The following CADM1 variants were observed in gnomAD, a reference collection of about 807,000 sequenced individuals.
The protein encoded by CADM1 is TSLC-1.
A neutral mutation model predicts 53.1 loss-of-function variants in CADM1; 15 were observed. The ratio of observed to expected loss-of-function variants is 0.28; its 90% CI spans 0.19 to 0.44. The LOEUF (loss-of-function observed/expected upper bound fraction) is 0.44. Ranked by LOEUF, CADM1 falls within the 20% of genes least tolerant of loss-of-function variation. CADM1 has a pLI of 1.00. For missense variants in CADM1, 434 were observed against 611.3 expected (o/e 0.71, Z 3.06); for synonymous variants, 281 against 243.0 (o/e 1.16, Z -1.45).
chr11:115,497,397 T>G (rs1195236296), intron 1 of CADM1, among the ~76,000 whole-genome samples: 1 of 152,214 alleles, frequency 6.6e-6, no homozygotes, highest in Non-Finnish European at 1.5e-5. Context: ...TTTTTCTCAG[T>G]GCTGGGTTTT....
At chr11:115,279,610 A>T (rs749481737) in intron 1 of CADM1, among the ~76,000 whole-genome samples, 25 of 152,218 alleles carry the variant, frequency 1.6e-4, no homozygotes, top group Non-Finnish European at 2.6e-4. Context: ...AAAGAAAAAC[A>T]TTTAAGGGCT....
rs1181050479 is a variant in CADM1, at chr11:115,269,244, GTCA to G, written c.125-28827_125-28825del. Reference sequence around the variant, plus strand: ...CATGGCAGGATAGAGGCCCCAAGGGGTCATCAGAGTTCCCCAACTCTCTAAATT... The same window carrying G: ...CATGGCAGGATAGAGGCCCCAAGGGGTCAGAGTTCCCCAACTCTCTAAATT... On this transcript the variant is annotated intron_variant, in intron 1 of 11. Transcript: ENST00000331581. Among the ~76,000 whole-genome samples, 5 of 152,192 alleles carry G rather than the reference GTCA, an allele frequency of 3.3e-5. No individual in the cohort carries two copies. In the East Asian group the frequency reaches 7.8e-4, roughly 24 times the overall value.
intron 1 of CADM1, among the ~76,000 whole-genome samples, chr11:115,310,565 A>G (rs1944505873): frequency 6.6e-6 from 1 of 152,200 alleles, no homozygotes; most frequent in Admixed American, 6.5e-5. Context: ...TGTAAAATTA[A>G]GACAGATTTG....
At chr11:115,324,723 G>A (rs191674205) in intron 1 of CADM1, among the ~76,000 whole-genome samples, 88 of 152,294 alleles carry the variant, frequency 5.8e-4, no homozygotes, top group African/African-American at 2.0e-3. Flanking sequence ...AAGAAACCAG[G>A]TGTCACTCAG....
chr11:115,201,946 C>T (rs1208165356), intron 8 of CADM1, among the ~76,000 whole-genome samples: 1 of 152,188 alleles, frequency 6.6e-6, no homozygotes, highest in African/African-American at 2.4e-5. Context: ...CAGTCACTCT[C>T]TGGCTATTTT....
At chr11:115,353,979 TTTTG>T (rs1161086401) in intron 1 of CADM1, among the ~76,000 whole-genome samples, 2 of 152,140 alleles carry the variant, frequency 1.3e-5, no homozygotes, top group African/African-American at 2.4e-5. Flanking sequence ...GATGGGCTGT[TTTTG>T]TTTGTTTAAA....
intron 1 of CADM1, among the ~76,000 whole-genome samples, chr11:115,423,041 T>TA (rs398017667): frequency 6.6e-6 from 1 of 151,856 alleles, no homozygotes; most frequent in African/African-American, 2.4e-5. Context: ...TTTTTTTTTT[T>TA]AATGTTTGTG....
intron 1 of CADM1, among the ~76,000 whole-genome samples, chr11:115,411,875 G>A (rs1947468422): frequency 6.6e-6 from 1 of 152,090 alleles, no homozygotes; most frequent in Non-Finnish European, 1.5e-5. Context: ...CACAGGAAAG[G>A]CTTTGAACTC....
At chr11:115,391,419 T>C (rs1374859037) in intron 1 of CADM1, among the ~76,000 whole-genome samples, 5 of 152,204 alleles carry the variant, frequency 3.3e-5, no homozygotes, top group East Asian at 1.9e-4. Context: ...TGAATGGCCG[T>C]GGAGCACAGC....
chr11:115,193,912 G>A (rs1242481844), intron 9 of CADM1: 3 of 152,058 alleles, frequency 2.0e-5, no homozygotes, highest in South Asian at 2.1e-4. Flanking sequence ...GAGTTCAGAC[G>A]CCCCCGGGAG....
intron 1 of CADM1, among the ~76,000 whole-genome samples, chr11:115,325,628 G>A (rs925633668): frequency 5.3e-5 from 8 of 152,228 alleles, no homozygotes; most frequent in African/African-American, 1.9e-4. Context: ...CATTTTTGAA[G>A]CTTTGTTTTA....
intron 1 of CADM1, among the ~76,000 whole-genome samples, chr11:115,311,633 C>G (rs1009507302): frequency 6.6e-6 from 1 of 152,148 alleles, no homozygotes; most frequent in Non-Finnish European, 1.5e-5. Flanking sequence ...GGCCTCCCAA[C>G]AGTCCCAAAA....
In CADM1 at chr11:115,234,871, C is replaced by T. The variant is rs1015602656; in HGVS notation, c.425-3381G>A. Among the ~76,000 whole-genome samples, 21 of 114,842 alleles carry T rather than the reference C, an allele frequency of 1.8e-4. 2 individuals are homozygous for T. In the Admixed American group the frequency reaches 2.0e-3, roughly 11 times the overall value. The allele number at this position is 114,842 out of a possible 152,430, so 75.3% of individuals were successfully genotyped here. ...TCACGCCATTGCACTCCAGCCTGGGCGACACAGGGAGACTCCGTCTCCAAA... is the reference window on the plus strand; with the variant it reads ...TCACGCCATTGCACTCCAGCCTGGGTGACACAGGGAGACTCCGTCTCCAAA... On this transcript the variant is annotated intron_variant, in intron 3 of 11. Coordinates refer to ENST00000331581, the MANE Select transcript of CADM1 (RefSeq NM_001301043.2).
At chr11:115,284,037 C>T (rs973975027) in intron 1 of CADM1, among the ~76,000 whole-genome samples, 2 of 148,516 alleles carry the variant, frequency 1.3e-5, no homozygotes, top group Admixed American at 1.4e-4. Flanking sequence ...AAGTGGCGTT[C>T]CAGGCAGGGG....
At chr11:115,257,873 T>C (rs931790265) in intron 1 of CADM1, among the ~76,000 whole-genome samples, 2 of 152,150 alleles carry the variant, frequency 1.3e-5, no homozygotes, top group African/African-American at 2.4e-5. Context: ...GCTGGGCCCT[T>C]CCCAGGGTTT....
At chr11:115,178,016 G>C (rs972918450) in intron 11 of CADM1, among the ~76,000 whole-genome samples, 1 of 152,114 alleles carries the variant, frequency 6.6e-6, no homozygotes, top group Admixed American at 6.5e-5. Context: ...AGCAGCATGG[G>C]GCAGACAGGA....
chr11:115,221,777 G>T (rs1404776368), intron 5 of CADM1, among the ~76,000 whole-genome samples: 1 of 152,096 alleles, frequency 6.6e-6, no homozygotes, highest in Non-Finnish European at 1.5e-5. Context: ...TCATGACTGG[G>T]ATGTCACCCT....
chr11:115,322,394 A>G (rs1410872461), intron 1 of CADM1, among the ~76,000 whole-genome samples: 2 of 152,216 alleles, frequency 1.3e-5, no homozygotes, highest in Non-Finnish European at 2.9e-5. Flanking sequence ...TCAAGTATAT[A>G]TAACACTTTT....
At chr11:115,271,408 G>A (rs781001699) in intron 1 of CADM1, among the ~76,000 whole-genome samples, 29 of 151,982 alleles carry the variant, frequency 1.9e-4, no homozygotes, top group Admixed American at 9.2e-4. Flanking sequence ...TCAGCCTCCC[G>A]AGTAGCTGGG....
Sources: allele counts gnomAD v4.1 joint callset (sites outside exome capture counted in the v4.1 genomes callset), GRCh38; gene constraint gnomAD v4.1.1; transcripts MANE v1.5; gene names NCBI Gene and HGNC (gene_info 2026-07-23, HGNC 2026-07-21).